The following HOOK3 variants were observed in gnomAD, a reference collection of about 807,000 sequenced individuals.
HOOK3 encodes the protein hook microtubule tethering protein 3.
HOOK3 carries 24 observed loss-of-function variants against 116.3 expected under a neutral mutation model. That is an observed-to-expected ratio of 0.21 (90% CI 0.15 to 0.29). HOOK3 has a LOEUF of 0.29. Among genes scored for constraint, HOOK3 ranks in the 10% least tolerant of loss-of-function variants. HOOK3 has a pLI of 1.00. For missense variants in HOOK3, 632 were observed against 830.2 expected, an observed-to-expected ratio of 0.76 and a Z score of 2.93; for synonymous variants, 275 against 283.0, an observed-to-expected ratio of 0.97 and a Z score of 0.28.
intron 13 of HOOK3, among the ~76,000 whole-genome samples, chr8:42,979,653 T>C (rs767789687): frequency 3.9e-5 from 6 of 152,128 alleles, no homozygotes; most frequent in Non-Finnish European, 5.9e-5. Context: ...ATTAATCAGC[T>C]CTCTTCTTGC....
chr8:42,967,296 C>T (rs1385055060), intron 10 of HOOK3, among the ~76,000 whole-genome samples: 1 of 152,040 alleles, frequency 6.6e-6, no homozygotes, highest in Non-Finnish European at 1.5e-5. Context: ...GACTTAGTCT[C>T]AATAGATGAC....
intron 8 of HOOK3, among the ~76,000 whole-genome samples, chr8:42,963,245 A>G (rs574226011): frequency 1.3e-5 from 2 of 152,322 alleles, no homozygotes; most frequent in East Asian, 1.9e-4. Flanking sequence ...GGATATTCGC[A>G]TTATATGCTT....
intron 4 of HOOK3, 42 bp downstream of exon 4, chr8:42,930,214 G>T: frequency 6.9e-7 from 1 of 1,443,588 alleles, no homozygotes. Flanking sequence ...TGTTACTATC[G>T]GATAGTTTAA....
intron 2 of HOOK3, among the ~76,000 whole-genome samples, chr8:42,911,506 G>T (rs1252353291): frequency 2.0e-5 from 3 of 152,192 alleles, no homozygotes; most frequent in African/African-American, 7.2e-5. Flanking sequence ...TTGGCGGTGG[G>T]TGGGGGGATT....
At chr8:42,961,052 A>C (rs1397104997) in intron 8 of HOOK3, among the ~76,000 whole-genome samples, 1 of 152,182 alleles carries the variant, frequency 6.6e-6, no homozygotes, top group Non-Finnish European at 1.5e-5. Context: ...CAAGAGTAGG[A>C]GCAAGGGGTG....
At chr8:42,942,934 G>A (rs1027908534) in intron 4 of HOOK3, among the ~76,000 whole-genome samples, 1 of 152,228 alleles carries the variant, frequency 6.6e-6, no homozygotes, top group African/African-American at 2.4e-5. Flanking sequence ...AAGGTGGCTA[G>A]TGAGAATCTT....
intron 6 of HOOK3, among the ~76,000 whole-genome samples, chr8:42,953,664 T>A (rs1808383313): frequency 1.3e-5 from 2 of 152,104 alleles, no homozygotes; most frequent in South Asian, 4.1e-4. Flanking sequence ...GAGTAAGCAA[T>A]TTCCATTTGT....
chr8:43,027,086 G>T lies in HOOK3; in HGVS notation c.*8588G>T, dbSNP rs113095312. 0.044 allele frequency: 7,860 copies of T among 179,874 alleles called. 373 individuals are homozygous for T. The highest frequency in any genetic ancestry group is 0.12 in the African/African-American group (5,141 of 42,252). 11.1% of individuals were successfully genotyped at this position (179,874 alleles called of 1,614,324 possible). A position where few individuals can be genotyped will look rare whatever the true frequency, so the allele number is the denominator to read the frequency against. Reference sequence around the variant, plus strand: ...TTTGTATTTTTAGTAAAGACAGGGTGTCGCCATATTGGCTAGGCTGGTTTT... The same window carrying T: ...TTTGTATTTTTAGTAAAGACAGGGTTTCGCCATATTGGCTAGGCTGGTTTT... On this transcript the variant is annotated 3_prime_UTR_variant, in exon 22 of 22. Transcript: ENST00000307602.
At chr8:42,969,074 T>G (rs1430130225) in intron 11 of HOOK3, among the ~76,000 whole-genome samples, 1 of 152,190 alleles carries the variant, frequency 6.6e-6, no homozygotes, top group Non-Finnish European at 1.5e-5. Flanking sequence ...GTACCAAAAT[T>G]TATCTATTTT....
chr8:42,982,502 T>C (rs1808971312), intron 13 of HOOK3, 125 bp from the exon 14 acceptor site: 1 of 662,888 alleles, frequency 1.5e-6, no homozygotes, highest in Non-Finnish European at 2.7e-6. Context: ...AAGACCACTG[T>C]GACGTGGTCC....
chr8:42,950,305 T>A, intron 5 of HOOK3, 83 bp from the exon 6 acceptor site: 1 of 872,702 alleles, frequency 1.1e-6, no homozygotes. Flanking sequence ...AAATGACTTA[T>A]AAGAATTTAT....
At chr8:42,959,095 G>C (rs1184078026) in intron 7 of HOOK3, 136 bp from the exon 8 acceptor site, 1 of 604,098 alleles carries the variant, frequency 1.7e-6, no homozygotes, top group Non-Finnish European at 2.9e-6. Flanking sequence ...CTCTTCCACA[G>C]GATTCTTGAT....
chr8:43,009,630 G>A (rs970002456), intron 18 of HOOK3, among the ~76,000 whole-genome samples: 5 of 152,108 alleles, frequency 3.3e-5, no homozygotes, highest in Non-Finnish European at 2.9e-5. Context: ...TTAATAAAGA[G>A]ATAAGAGGTG....
intron 1 of HOOK3, among the ~76,000 whole-genome samples, chr8:42,899,999 A>G (rs543241651): frequency 1.1e-4 from 16 of 152,334 alleles, no homozygotes; most frequent in African/African-American, 3.4e-4. Flanking sequence ...TAAAAGCTCA[A>G]GTACTTAAAG....
intron 4 of HOOK3, among the ~76,000 whole-genome samples, chr8:42,931,232 CT>C (rs1490614750): frequency 3.3e-5 from 5 of 152,088 alleles, no homozygotes; most frequent in Non-Finnish European, 5.9e-5. Flanking sequence ...CTTTTTTGCA[CT>C]TTCTGTTACC....
At chr8:42,986,073 G>T (rs1401443439) in intron 14 of HOOK3, among the ~76,000 whole-genome samples, 1 of 152,096 alleles carries the variant, frequency 6.6e-6, no homozygotes, top group Admixed American at 6.6e-5. Context: ...TAATTATATT[G>T]TCCCTGCAGT....
intron 1 of HOOK3, among the ~76,000 whole-genome samples, chr8:42,902,260 TTCTC>T (rs535319525): frequency 1.4e-3 from 212 of 150,526 alleles, no homozygotes; most frequent in African/African-American, 4.5e-3. Context: ...GAAATGTGTA[TTCTC>T]TCTCTCTCTC....
chr8:42,976,064 A>G (rs191760438), intron 13 of HOOK3, among the ~76,000 whole-genome samples: 3,418 of 133,856 alleles, frequency 0.026, 51 homozygotes, highest in African/African-American at 0.036. Context: ...GTGTGTGTGT[A>G]TATATATGTA....
chr8:42,949,062 C>T (rs557227580), intron 5 of HOOK3, among the ~76,000 whole-genome samples: 1 of 152,276 alleles, frequency 6.6e-6, no homozygotes, highest in African/African-American at 2.4e-5. Context: ...TAGAGGATTA[C>T]AGTTGTCATT....
Sources: allele counts gnomAD v4.1 joint callset (sites outside exome capture counted in the v4.1 genomes callset), GRCh38; gene constraint gnomAD v4.1.1; transcripts MANE v1.5; gene names NCBI Gene and HGNC (gene_info 2026-07-23, HGNC 2026-07-21).